The following ZNF331 variants were observed in gnomAD, a reference collection of about 807,000 sequenced individuals.
ZNF331 encodes the protein C2H2-like zinc finger protein rearranged in thyroid adenomas.
Under a neutral mutation model 7.0 loss-of-function variants are expected in ZNF331, and 2 were observed. The ratio of observed to expected loss-of-function variants is 0.29; its 90% CI spans 0.12 to 0.90. The LOEUF (loss-of-function observed/expected upper bound fraction) is 0.90, where lower values mean the gene tolerates loss of function less well. Ranked by LOEUF, ZNF331 falls within the 40% of genes least tolerant of loss-of-function variation. The pLI, the probability that ZNF331 is intolerant of heterozygous loss-of-function variation, is 0.58. For synonymous variants in ZNF331, 196 were observed against 205.4 expected, an observed-to-expected ratio of 0.95 and a Z score of 0.39; for missense variants, 432 against 587.7, an observed-to-expected ratio of 0.74 and a Z score of 2.74.
the ZNF331 span, among the ~76,000 whole-genome samples, chr19:53,507,273 A>G: frequency 4.2e-4 from 64 of 152,212 alleles, no homozygotes; most frequent in African/African-American, 1.5e-3. Flanking sequence ...GCTGATTTTG[A>G]ACATTATCTG....
At chr19:53,556,525 A>G (rs2089441500) in intron 3 of ZNF331, among the ~76,000 whole-genome samples, 1 of 148,956 alleles carries the variant, frequency 6.7e-6, no homozygotes, top group African/African-American at 2.5e-5. Flanking sequence ...GGGTCTCACT[A>G]TGTTACCCAG....
upstream of ZNF331, among the ~76,000 whole-genome samples, chr19:53,520,233 G>A (rs2087015119): frequency 6.6e-6 from 1 of 151,662 alleles, no homozygotes; most frequent in African/African-American, 2.4e-5. Context: ...TTTTTAGAGC[G>A]ATGGGGTTTC....
Position 53,558,681 on chromosome 19 carries a change from TG to T in ZNF331, c.-74+2774del, listed in dbSNP as rs1160238515. Among the ~76,000 whole-genome samples the T allele has an allele frequency of 6.6e-6, 1 of 151,802 alleles. No individual in the cohort carries two copies. The highest frequency in any genetic ancestry group is 2.4e-5 in the African/African-American group (1 of 41,252). ...CAGGTGAAAGGAGGGCAAGAGAAGA[TG>T]AGAGAGAGATTCTGCTTCCCGAGGC... On this transcript the variant is annotated intron_variant, in intron 3 of 5. Coordinates refer to ENST00000449416, the MANE Select transcript of ZNF331 (RefSeq NM_001079906.2). The surrounding 1 kb of genome is among the most constrained non-coding windows in gnomAD (Gnocchi z 4.5).
At chr19:53,561,901 T>A (rs10401609) in intron 3 of ZNF331, among the ~76,000 whole-genome samples, 152,099 of 152,322 alleles carry the variant, frequency 1, 75,938 homozygotes, top group Middle Eastern at 1. Flanking sequence ...TCATCCCAGC[T>A]CTTTGGGAGG....
At chr19:53,548,202 G>A (rs931126754) in intron 2 of ZNF331, among the ~76,000 whole-genome samples, 4 of 151,866 alleles carry the variant, frequency 2.6e-5, no homozygotes, top group South Asian at 2.1e-4. Flanking sequence ...TCCGCCTCCC[G>A]GGTTCAAGCG....
At chr19:53,506,021 C>T in the ZNF331 span, among the ~76,000 whole-genome samples, 1 of 151,312 alleles carries the variant, frequency 6.6e-6, no homozygotes, top group Non-Finnish European at 1.5e-5. Flanking sequence ...GCAGCGCAGA[C>T]CATGGTCTGA....
intron 2 of ZNF331, among the ~76,000 whole-genome samples, chr19:53,528,585 T>G (rs1697100479): frequency 6.6e-6 from 1 of 152,198 alleles, no homozygotes; most frequent in Non-Finnish European, 1.5e-5. Context: ...ACCCTGAAAG[T>G]TGTACTGCAG....
intron 2 of ZNF331, among the ~76,000 whole-genome samples, chr19:53,524,607 G>A (rs931545174): frequency 1.3e-5 from 2 of 151,422 alleles, no homozygotes; most frequent in African/African-American, 4.9e-5. Flanking sequence ...TTTTTGATGG[G>A]GTTTTTTGTT....
At chr19:53,576,621 G>C in intron 5 of ZNF331, 76 bp from the exon 6 acceptor site, 2 of 1,276,176 alleles carry the variant, frequency 1.6e-6, no homozygotes, top group African/African-American at 3.0e-5. Flanking sequence ...TCTATTAGAC[G>C]AGTTTTTGGT....
intron 5 of ZNF331, 77 bp from the exon 6 acceptor site, chr19:53,576,620 C>T (rs76587173): frequency 0.059 from 74,932 of 1,266,294 alleles, 2,831 homozygotes; most frequent in South Asian, 0.14. Flanking sequence ...TTCTATTAGA[C>T]GAGTTTTTGG....
intron 2 of ZNF331, among the ~76,000 whole-genome samples, chr19:53,548,845 C>A (rs1175394356): frequency 6.6e-6 from 1 of 151,118 alleles, no homozygotes; most frequent in Non-Finnish European, 1.5e-5. Flanking sequence ...TTCTTTTTTT[C>A]TTTTTCTTCT....
At chr19:53,570,683 C>T (rs978509711) in intron 4 of ZNF331, among the ~76,000 whole-genome samples, 2 of 151,668 alleles carry the variant, frequency 1.3e-5, no homozygotes, top group African/African-American at 4.8e-5. Flanking sequence ...CAGGGATGCG[C>T]CGCCACACCC....
At position 53,577,967 on chromosome 19, in the gene ZNF331, G is replaced by C. The variant is rs148359029; in HGVS notation, c.*15G>C. 1 of 1,596,814 alleles carries C rather than the reference G, an allele frequency of 6.3e-7. No individual in the cohort carries two copies. Among genetic ancestry groups the C allele is most frequent in the African/African-American group, 1.3e-5 (1 of 74,424 alleles). The stretch of plus-strand genomic sequence containing the variant: ...ACAACAGTTGAAGAGCCTTTTGAAC[G>C]CAGTAGCCCGCTCGTATCTATGGTT... On this transcript the variant is annotated 3_prime_UTR_variant, in exon 6 of 6. Coordinates refer to ENST00000449416, the MANE Select transcript of ZNF331 (RefSeq NM_001079906.2).
At chr19:53,519,778 C>T (rs1028882656), upstream of ZNF331, among the ~76,000 whole-genome samples, 8 of 152,164 alleles carry the variant, frequency 5.3e-5, no homozygotes, top group Non-Finnish European at 1.0e-4. Flanking sequence ...GACCAGGTCA[C>T]TCCCGTGGAA....
chr19:53,540,725 C>T (rs964767802), intron 2 of ZNF331, among the ~76,000 whole-genome samples: 4 of 152,124 alleles, frequency 2.6e-5, no homozygotes, highest in Non-Finnish European at 5.9e-5. Flanking sequence ...TGTGAGCCAC[C>T]GAGCCTGCCC....
Position 53,577,622 on chromosome 19 carries a change from G to A in ZNF331, c.1062G>A (p.Pro354=), listed in dbSNP as rs776670996. Residue 354 remains proline, a synonymous_variant, in exon 6 of 6, where the codon CCG becomes CCA. Coordinates refer to ENST00000449416, the MANE Select transcript of ZNF331 (RefSeq NM_001079906.2). ...KHERIHTGEK[P]YKCTECGKAF... ...AGAGGATACATACGGGCGAGAAGCCGTACAAGTGCACAGAATGTGGGAAGG... is the reference window on the plus strand; with the variant it reads ...AGAGGATACATACGGGCGAGAAGCCATACAAGTGCACAGAATGTGGGAAGG... 13 of 1,613,050 alleles carry A rather than the reference G, an allele frequency of 8.1e-6. No individual in the cohort carries two copies. The highest frequency in any genetic ancestry group is 1.6e-4 in the Middle Eastern group (1 of 6,076).
intron 2 of ZNF331, among the ~76,000 whole-genome samples, chr19:53,532,173 C>T (rs2087567847): frequency 1.3e-5 from 2 of 152,122 alleles, no homozygotes. Context: ...TCATTATAGT[C>T]ACCAGGTTAT....
At position 53,577,756 on chromosome 19, in the gene ZNF331, T is replaced by G; in HGVS notation, c.1196T>G (p.Val399Gly). ...GKAFIYGSSLVKHERIHTGVK... is the reference protein window; with the variant it reads ...GKAFIYGSSLGKHERIHTGVK... ...GCTTTCATTTATGGATCGAGCCTCG[T>G]GAAACATGAGAGAATTCATACCGGG... The change falls in exon 6 of 6, where the codon GTG becomes GGG. Residue 399 changes from valine to glycine, a missense_variant. Transcript: ENST00000449416. The G allele has an allele frequency of 6.2e-7, 1 of 1,613,906 alleles. No homozygotes were observed. Among genetic ancestry groups the G allele is most frequent in the Non-Finnish European group, 8.5e-7 (1 of 1,179,822 alleles).
chr19:53,527,346 A>G (rs2708757), intron 2 of ZNF331, among the ~76,000 whole-genome samples: 39,836 of 152,028 alleles, frequency 0.26, 6,183 homozygotes, highest in African/African-American at 0.43. Flanking sequence ...AAAAATGTCC[A>G]CACCCTAATT....
Sources: allele counts gnomAD v4.1 joint callset (sites outside exome capture counted in the v4.1 genomes callset), GRCh38; gene constraint gnomAD v4.1.1; non-coding constraint Gnocchi (gnomAD v3.1); transcripts MANE v1.5; gene names NCBI Gene and HGNC (gene_info 2026-07-23, HGNC 2026-07-21).